Variants in CORIN observed in about 807,000 individuals in gnomAD.
CORIN encodes the protein corin, serine peptidase.
In CORIN, 117 loss-of-function variants were observed where a neutral mutation model predicts 125.3. That is an observed-to-expected ratio of 0.93 (90% CI 0.80 to 1.09). CORIN has a LOEUF of 1.09. Ranked by LOEUF, CORIN falls within the 50% of genes least tolerant of loss-of-function variation. The pLI is 0.00. For missense variants in CORIN, 1,253 were observed against 1,306.7 expected (o/e 0.96, Z 0.63); for synonymous variants, 450 against 466.4 (o/e 0.96, Z 0.45).
chr4:47,788,742 G>A (rs1338939111), intron 2 of CORIN, among the ~76,000 whole-genome samples: 5 of 152,124 alleles, frequency 3.3e-5, no homozygotes, highest in Non-Finnish European at 7.3e-5. Context: ...TGCTAATGTG[G>A]TTGTAATGAA....
At chr4:47,790,164 T>G in intron 2 of CORIN, 1 of 964,822 alleles carries the variant, frequency 1.0e-6, no homozygotes, top group Non-Finnish European at 1.2e-6. Context: ...CTCTACCACT[T>G]GCCCTGAAAC....
chr4:47,646,152 G>T (rs1206299471), intron 13 of CORIN, among the ~76,000 whole-genome samples: 1 of 151,508 alleles, frequency 6.6e-6, no homozygotes, highest in Non-Finnish European at 1.5e-5. Context: ...GAGTGAAATT[G>T]CTGTCAATGC....
chr4:47,762,202 T>A (rs1210842132), intron 4 of CORIN, among the ~76,000 whole-genome samples: 5 of 152,156 alleles, frequency 3.3e-5, no homozygotes, highest in Admixed American at 6.5e-5. Context: ...TGGTACAATG[T>A]GATGTGATGT....
At chr4:47,735,800 G>C (rs1728103907) in intron 5 of CORIN, among the ~76,000 whole-genome samples, 1 of 151,886 alleles carries the variant, frequency 6.6e-6, no homozygotes, top group Non-Finnish European at 1.5e-5. Flanking sequence ...GGCACCTGTA[G>C]TCCCAGCTAC....
chr4:47,837,082 C>A (rs1253907389), intron 1 of CORIN, among the ~76,000 whole-genome samples: 1 of 152,244 alleles, frequency 6.6e-6, no homozygotes, highest in Non-Finnish European at 1.5e-5. Flanking sequence ...TGAACGAGAG[C>A]CAACGCTGCC....
At position 47,595,451 on chromosome 4, in the gene CORIN, G is replaced by T; in HGVS notation, c.*270C>A. On this transcript the variant is annotated 3_prime_UTR_variant, in exon 22 of 22. Coordinates refer to ENST00000273857, the MANE Select transcript of CORIN (RefSeq NM_006587.4). Reference sequence around the variant, plus strand: ...TCGCCAGAGTCGATAATTTTGTGCTGCAGTCATGGTTAGGCCTGGCAAAAG... The same window carrying T: ...TCGCCAGAGTCGATAATTTTGTGCTTCAGTCATGGTTAGGCCTGGCAAAAG... 1.7e-5 allele frequency: 4 copies of T among 233,268 alleles called. No homozygotes were observed. The highest frequency in any genetic ancestry group is 1.4e-3 in the Middle Eastern group (1 of 716). The allele number at this position is 233,268 out of a possible 1,614,324, so 14.4% of individuals were successfully genotyped here. A position where few individuals can be genotyped will look rare whatever the true frequency, so the allele number is the denominator to read the frequency against.
intron 10 of CORIN, among the ~76,000 whole-genome samples, chr4:47,666,496 GA>G (rs1369054164): frequency 6.6e-6 from 1 of 152,200 alleles, no homozygotes; most frequent in Admixed American, 6.5e-5. Flanking sequence ...AGCTGTAGTA[GA>G]ATGTGAACAG....
intron 13 of CORIN, among the ~76,000 whole-genome samples, chr4:47,646,418 C>A (rs193097050): frequency 6.6e-6 from 1 of 152,268 alleles, no homozygotes; most frequent in East Asian, 1.9e-4. Flanking sequence ...ATAATTTGTA[C>A]AACATTAATG....
chr4:47,837,941 CTG>C lies in CORIN; in HGVS notation c.7_8del (p.Gln3ValfsTer23), dbSNP rs1733549095. On this transcript the variant is annotated frameshift_variant, in exon 1 of 22. Coordinates refer to ENST00000273857, the MANE Select transcript of CORIN (RefSeq NM_006587.4). LOFTEE classifies it high-confidence loss of function. MKQSPALAPEERC... is the reference protein window; with the variant it reads MKXSPALAPEERC... Reference sequence around the variant, plus strand: ...GCTCTTCCGGAGCGAGGGCAGGAGACTGTTTCATGGATAAAAAGTCTCGCTTA... The same window carrying C: ...GCTCTTCCGGAGCGAGGGCAGGAGACTTTCATGGATAAAAAGTCTCGCTTA... 6.2e-7 allele frequency: 1 copy of C among 1,613,210 alleles called. No homozygotes were observed. Among genetic ancestry groups the C allele is most frequent in the African/African-American group, 1.3e-5 (1 of 75,060 alleles).
At chr4:47,790,672 C>T (rs1425299667) in intron 2 of CORIN, among the ~76,000 whole-genome samples, 5 of 152,132 alleles carry the variant, frequency 3.3e-5, no homozygotes, top group African/African-American at 1.2e-4. Context: ...CATTACTACA[C>T]ATTGATGGTA....
intron 1 of CORIN, among the ~76,000 whole-genome samples, chr4:47,823,130 C>T (rs188666329): frequency 1.8e-3 from 266 of 151,992 alleles, no homozygotes; most frequent in African/African-American, 5.5e-3. Flanking sequence ...TTTTTTTATT[C>T]GCTTACATAA....
At chr4:47,683,575 C>T in intron 7 of CORIN, 156 bp downstream of exon 7, 1 of 582,654 alleles carries the variant, frequency 1.7e-6, no homozygotes, top group East Asian at 2.9e-5. Flanking sequence ...TTACTGAGGA[C>T]AGTGACTGAA....
At chr4:47,750,056 G>A (rs549992214) in intron 4 of CORIN, among the ~76,000 whole-genome samples, 1 of 152,266 alleles carries the variant, frequency 6.6e-6, no homozygotes, top group East Asian at 1.9e-4. Flanking sequence ...ATGAGCAACA[G>A]ATAACACAGG....
chr4:47,678,590 T>C (rs979354057), intron 8 of CORIN, among the ~76,000 whole-genome samples: 31 of 152,242 alleles, frequency 2.0e-4, no homozygotes, highest in African/African-American at 7.0e-4. Context: ...GGAAAGAACT[T>C]GCATAGTAAC....
chr4:47,624,879 GA>G (rs35400340), intron 17 of CORIN, among the ~76,000 whole-genome samples: 53,378 of 147,838 alleles, frequency 0.36, 9,714 homozygotes, highest in Admixed American at 0.43. Flanking sequence ...CTATCAGATT[GA>G]AAAAAAAAAA....
intron 5 of CORIN, among the ~76,000 whole-genome samples, chr4:47,705,180 T>A (rs990158365): frequency 6.6e-6 from 1 of 152,230 alleles, no homozygotes; most frequent in Non-Finnish European, 1.5e-5. Context: ...CCCTGACTGG[T>A]TTATCAGAGC....
intron 10 of CORIN, among the ~76,000 whole-genome samples, chr4:47,671,404 A>G (rs1724751738): frequency 6.6e-6 from 1 of 152,208 alleles, no homozygotes; most frequent in Non-Finnish European, 1.5e-5. Flanking sequence ...GTCTCTTGAT[A>G]GTGGTAAACA....
intron 10 of CORIN, among the ~76,000 whole-genome samples, chr4:47,668,978 T>C (rs1724606576): frequency 6.6e-6 from 1 of 152,214 alleles, no homozygotes; most frequent in Non-Finnish European, 1.5e-5. Context: ...TAAGCTTTTT[T>C]ATCTTAAGCA....
intron 5 of CORIN, among the ~76,000 whole-genome samples, chr4:47,713,236 G>C (rs952031653): frequency 2.0e-5 from 3 of 152,154 alleles, no homozygotes; most frequent in Non-Finnish European, 4.4e-5. Context: ...TTTATTTCTA[G>C]AGCATTGTCA....
Sources: gnomAD v4.1 joint callset for allele counts (sites outside exome capture counted in the v4.1 genomes callset) on GRCh38, gnomAD v4.1.1 for gene constraint, MANE v1.5 for transcripts, NCBI Gene and HGNC (gene_info 2026-07-23, HGNC 2026-07-21) for gene names.